TRPM3: variants seen among roughly 807,000 people sequenced by gnomAD.
TRPM3 encodes long transient receptor potential channel 3.
TRPM3 carries 77 observed loss-of-function variants against 181.2 expected under a neutral mutation model. The ratio of observed to expected loss-of-function variants is 0.42; its 90% CI spans 0.35 to 0.51. The LOEUF (loss-of-function observed/expected upper bound fraction) is 0.51. Ranked by LOEUF, TRPM3 falls within the 20% of genes least tolerant of loss-of-function variation. The pLI, the probability that TRPM3 is intolerant of heterozygous loss-of-function variation, is 0.01. For synonymous variants in TRPM3, 745 were observed against 796.4 expected (o/e 0.94, Z 1.09); for missense variants, 1,759 against 2,196.7 (o/e 0.80, Z 3.98).
chr9:71,015,581 T>C (rs2097777927), intron 1 of TRPM3, among the ~76,000 whole-genome samples: 1 of 152,214 alleles, frequency 6.6e-6, no homozygotes, highest in Admixed American at 6.5e-5. Flanking sequence ...GGTTGTAAAC[T>C]GCTATACTTA....
intron 1 of TRPM3, among the ~76,000 whole-genome samples, chr9:71,339,106 T>A (rs1022715951): frequency 1.3e-5 from 2 of 151,842 alleles, no homozygotes; most frequent in Admixed American, 1.3e-4. Context: ...CAATCCACAA[T>A]ACCATCAATA....
intron 5 of TRPM3, among the ~76,000 whole-genome samples, chr9:70,836,147 G>A (rs11142612): frequency 0.53 from 80,335 of 151,874 alleles, 21,869 homozygotes; most frequent in Non-Finnish European, 0.56. Context: ...TTCCACATGT[G>A]TACTCTCTCC....
chr9:71,359,288 G>T (rs7867439), intron 1 of TRPM3, among the ~76,000 whole-genome samples: 4,681 of 152,298 alleles, frequency 0.031, 223 homozygotes, highest in African/African-American at 0.1. Flanking sequence ...AACTGAGGTG[G>T]GTGTGTATGT....
At position 71,263,621 on chromosome 9, in the gene TRPM3, G is replaced by A. The variant is rs956450599; in HGVS notation, c.183+183032C>T. Among the ~76,000 whole-genome samples the A allele has an allele frequency of 3.9e-5, 6 of 152,242 alleles. No homozygotes were observed. The East Asian group carries it at 7.7e-4, about 20-fold the overall frequency. ...TTCATATCCTCTACAGCACTTACATGGTTCTGCATAGAGAAGAGAAGTAAA... is the reference window on the plus strand; with the variant it reads ...TTCATATCCTCTACAGCACTTACATAGTTCTGCATAGAGAAGAGAAGTAAA... On this transcript the variant is annotated intron_variant, in intron 1 of 24. Coordinates refer to the TRPM3 transcript ENST00000357533.
At chr9:71,239,923 A>C (rs1377639118) in intron 1 of TRPM3, among the ~76,000 whole-genome samples, 1 of 117,044 alleles carries the variant, frequency 8.5e-6, no homozygotes, top group African/African-American at 2.8e-5. Context: ...ATTTTCAAAG[A>C]CTGCCTATTT....
At chr9:71,229,107 C>A (rs1043405859) in intron 1 of TRPM3, among the ~76,000 whole-genome samples, 140 of 152,188 alleles carry the variant, frequency 9.2e-4, no homozygotes, top group African/African-American at 3.2e-3. Flanking sequence ...ATGGTACTGG[C>A]ATAAAAACAG....
chr9:70,894,070 G>A (rs61703666), intron 1 of TRPM3, among the ~76,000 whole-genome samples: 5,844 of 152,196 alleles, frequency 0.038, 151 homozygotes, highest in African/African-American at 0.075. Context: ...CATTGTTGGA[G>A]GAAAGCATAT....
intron 7 of TRPM3, among the ~76,000 whole-genome samples, chr9:70,764,906 G>T (rs748222326): frequency 6.0e-5 from 9 of 150,672 alleles, no homozygotes; most frequent in Non-Finnish European, 8.9e-5. Context: ...ATGAAGAAAA[G>T]ATATTAGGTC....
intron 1 of TRPM3, among the ~76,000 whole-genome samples, chr9:71,032,014 A>AGT (rs1302127926): frequency 1.9e-5 from 1 of 53,270 alleles, no homozygotes; most frequent in Non-Finnish European, 3.9e-5. Context: ...TATAATATAT[A>AGT]ATATATATAT....
Position 71,223,120 on chromosome 9 carries a change from C to A in TRPM3, c.183+223533G>T, listed in dbSNP as rs149528713. 9.9e-5 allele frequency among the ~76,000 whole-genome samples: 15 copies of A among 152,266 alleles called. No homozygotes were observed. The East Asian group carries it at 1.9e-3, about 20-fold the overall frequency. On this transcript the variant is annotated intron_variant, in intron 1 of 24. Coordinates refer to the TRPM3 transcript ENST00000357533. ...GGGAATGCTTGTTCCACTCCTCCCC[C>A]CAAACCCAGGCAGCATAGCTCATAG... is the stretch of plus-strand genomic sequence containing the variant.
chr9:70,586,268 C>A (rs1486667954), intron 22 of TRPM3, among the ~76,000 whole-genome samples: 1 of 152,206 alleles, frequency 6.6e-6, no homozygotes, highest in African/African-American at 2.4e-5. Context: ...GCTCACAGTA[C>A]AAACAAAATA....
intron 1 of TRPM3, among the ~76,000 whole-genome samples, chr9:70,942,508 T>C (rs551145143): frequency 6.6e-6 from 1 of 152,346 alleles, no homozygotes; most frequent in East Asian, 1.9e-4. Context: ...TCTTGGTGAA[T>C]CAAAACCTTG....
chr9:70,971,044 A>G (rs1455639421), intron 1 of TRPM3, among the ~76,000 whole-genome samples: 2 of 152,178 alleles, frequency 1.3e-5, no homozygotes, highest in Admixed American at 1.3e-4. Context: ...GTTATACACA[A>G]TTAATGCTGT....
chr9:71,162,781 A>T lies in TRPM3; in HGVS notation c.183+283872T>A, dbSNP rs766812768. On this transcript the variant is annotated intron_variant, in intron 1 of 24. Coordinates refer to the TRPM3 transcript ENST00000357533. ...TAAAGTGAATAGAATTTGGACTTCC[A>T]TGTAAGAGACAGGAAAGTAAACAGA... Among the ~76,000 whole-genome samples the T allele has an allele frequency of 9.0e-4, 137 of 152,192 alleles. 3 individuals are homozygous for T. Among genetic ancestry groups the T allele is most frequent in the Non-Finnish European group, 2.1e-4 (14 of 68,040 alleles).
intron 8 of TRPM3, among the ~76,000 whole-genome samples, chr9:70,699,849 C>T (rs1026527448): frequency 1.8e-4 from 27 of 152,032 alleles, no homozygotes; most frequent in African/African-American, 4.8e-4. Flanking sequence ...GGGGCAAAGC[C>T]GTGTGTGAGG....
Position 70,529,209 on chromosome 9 carries a change from G to A in TRPM3, c.*6744C>T, listed in dbSNP as rs1401587534. The A allele has an allele frequency of 6.6e-6, 1 of 151,852 alleles. No individual in the cohort carries two copies. The highest frequency in any genetic ancestry group is 1.5e-5 in the Non-Finnish European group (1 of 67,984). The allele number at this position is 151,852 out of a possible 1,614,324, so 9.4% of individuals were successfully genotyped here. Reference sequence around the variant, plus strand: ...AAAGTGCATTGTGAATCCAATAATAGACCTTTAAAAAAGAACAATTCTTCT... The same window carrying A: ...AAAGTGCATTGTGAATCCAATAATAAACCTTTAAAAAAGAACAATTCTTCT... On this transcript the variant is annotated 3_prime_UTR_variant, in exon 26 of 26. Coordinates refer to ENST00000677713, the MANE Select transcript of TRPM3 (RefSeq NM_001366145.2).
intron 1 of TRPM3, among the ~76,000 whole-genome samples, chr9:71,099,461 G>A (rs989987049): frequency 3.3e-5 from 5 of 152,100 alleles, no homozygotes; most frequent in East Asian, 1.9e-4. Flanking sequence ...GCTCTCTCAC[G>A]TCTCACCATT....
chr9:71,340,855 T>C (rs1342238274), intron 1 of TRPM3, among the ~76,000 whole-genome samples: 1 of 152,066 alleles, frequency 6.6e-6, no homozygotes, highest in Non-Finnish European at 1.5e-5. Context: ...GTGGTCATTC[T>C]AGAGGAAGAA....
chr9:70,660,172 G>T (rs1030915056), intron 9 of TRPM3, among the ~76,000 whole-genome samples: 2 of 152,048 alleles, frequency 1.3e-5, no homozygotes, highest in Non-Finnish European at 2.9e-5. Flanking sequence ...AAAAGAAAAG[G>T]GGGAGTATGT....
Sources: gnomAD v4.1 joint callset for allele counts (sites outside exome capture counted in the v4.1 genomes callset) on GRCh38, gnomAD v4.1.1 for gene constraint, MANE v1.5 for transcripts, NCBI Gene and HGNC (gene_info 2026-07-23, HGNC 2026-07-21) for gene names.